Variants in WDR64 observed in about 807,000 individuals in gnomAD.
WDR64 encodes WD repeat domain 64, also known as WD repeat-containing protein 64.
In WDR64, 112 loss-of-function variants were observed where a neutral mutation model predicts 139.3. That is an observed-to-expected ratio of 0.80 (90% CI 0.69 to 0.94). The LOEUF is 0.94. Ranked by LOEUF, WDR64 falls within the 40% of genes least tolerant of loss-of-function variation. The pLI, the probability that WDR64 is intolerant of heterozygous loss-of-function variation, is 0.00. For missense variants in WDR64, 1,206 were observed against 1,293.1 expected, an observed-to-expected ratio of 0.93 and a Z score of 1.03; for synonymous variants, 444 against 437.7, an observed-to-expected ratio of 1.01 and a Z score of -0.18.
chr1:241,739,070 T>G (rs1485147596), intron 11 of WDR64, among the ~76,000 whole-genome samples: 1 of 152,194 alleles, frequency 6.6e-6, no homozygotes, highest in Non-Finnish European at 1.5e-5. Flanking sequence ...GTAGGAAAAG[T>G]GCTGACACCT....
intron 10 of WDR64, among the ~76,000 whole-genome samples, chr1:241,724,716 G>C (rs957966822): frequency 2.6e-5 from 4 of 152,164 alleles, no homozygotes; most frequent in African/African-American, 9.7e-5. Context: ...TAATTCCTAA[G>C]CATAGCACCT....
In WDR64 at chr1:241,735,855, CTG is replaced by C. The variant is rs59974714; in HGVS notation, c.1195-2474_1195-2473del. Among the ~76,000 whole-genome samples the C allele has an allele frequency of 6.5e-3, 465 of 71,600 alleles. 1 individual carries two copies. The highest frequency in any genetic ancestry group is 0.029 in the Middle Eastern group (3 of 102). The allele number at this position is 71,600 out of a possible 152,430, so 47.0% of individuals were successfully genotyped here. On this transcript the variant is annotated intron_variant, in intron 10 of 27. Transcript: ENST00000437684. ...TCTCTCTCTCTCTCTCTCTCTCTCTCTGTGTGTGTGTGTGTGTGTGTGTGTGT... is the reference window on the plus strand; with the variant it reads ...TCTCTCTCTCTCTCTCTCTCTCTCTCTGTGTGTGTGTGTGTGTGTGTGTGT...
At chr1:241,764,957 A>T (rs1464621741) in intron 15 of WDR64, among the ~76,000 whole-genome samples, 2 of 152,290 alleles carry the variant, frequency 1.3e-5, no homozygotes, top group Middle Eastern at 3.4e-3. Flanking sequence ...AGGCTGAAGT[A>T]GGTGGATTAC....
At chr1:241,798,553 A>T (rs926020986) in intron 27 of WDR64, among the ~76,000 whole-genome samples, 1 of 152,246 alleles carries the variant, frequency 6.6e-6, no homozygotes, top group African/African-American at 2.4e-5. Flanking sequence ...TCGTTTCATA[A>T]AAATACTTCC....
At chr1:241,694,791 ACAG>A (rs1474091554) in intron 8 of WDR64, among the ~76,000 whole-genome samples, 1 of 152,200 alleles carries the variant, frequency 6.6e-6, no homozygotes, top group Non-Finnish European at 1.5e-5. Flanking sequence ...CAGGGTGATT[ACAG>A]CAACTAATGT....
At chr1:241,780,163 T>C in intron 22 of WDR64, 101 bp downstream of exon 22, 10 of 1,004,052 alleles carry the variant, frequency 1.0e-5, no homozygotes, top group South Asian at 1.6e-5. Context: ...CAAGACTCTC[T>C]GTTGTCAAGG....
chr1:241,702,927 A>G (rs918528604), intron 8 of WDR64, among the ~76,000 whole-genome samples: 9 of 152,132 alleles, frequency 5.9e-5, no homozygotes, highest in African/African-American at 2.2e-4. Flanking sequence ...TTGTTATCTT[A>G]TTCTTTATGG....
intron 4 of WDR64, among the ~76,000 whole-genome samples, chr1:241,676,841 TC>T (rs1666577636): frequency 6.6e-6 from 1 of 150,690 alleles, no homozygotes; most frequent in Non-Finnish European, 1.5e-5. Flanking sequence ...CCTCATGGCC[TC>T]CCAAATTGCT....
At chr1:241,677,601 T>TAGG (rs1666604915) in intron 4 of WDR64, among the ~76,000 whole-genome samples, 1 of 152,234 alleles carries the variant, frequency 6.6e-6, no homozygotes, top group Non-Finnish European at 1.5e-5. Flanking sequence ...GCTGCTCATA[T>TAGG]ATACAGTAGC....
chr1:241,667,666 G>A (rs1666072436), intron 2 of WDR64, among the ~76,000 whole-genome samples: 1 of 152,110 alleles, frequency 6.6e-6, no homozygotes, highest in African/African-American at 2.4e-5. Flanking sequence ...TAGGAGCTAA[G>A]GGCAGTACAA....
intron 2 of WDR64, among the ~76,000 whole-genome samples, chr1:241,664,692 A>G (rs1665963725): frequency 6.6e-6 from 1 of 152,104 alleles, no homozygotes; most frequent in Non-Finnish European, 1.5e-5. Context: ...CATTTGTAAA[A>G]TGTCTTCTTT....
At chr1:241,727,626 G>T (rs1470498665) in intron 10 of WDR64, among the ~76,000 whole-genome samples, 1 of 152,170 alleles carries the variant, frequency 6.6e-6, no homozygotes, top group Non-Finnish European at 1.5e-5. Flanking sequence ...TAGGGACAAA[G>T]CATTGAACAA....
intron 23 of WDR64, among the ~76,000 whole-genome samples, chr1:241,785,760 C>G (rs1040446661): frequency 1.3e-5 from 2 of 152,168 alleles, no homozygotes; most frequent in African/African-American, 4.8e-5. Flanking sequence ...CGTTCTAAAT[C>G]TTGCTTGTCA....
intron 10 of WDR64, among the ~76,000 whole-genome samples, chr1:241,726,085 A>T (rs1266702013): frequency 1.1e-4 from 16 of 150,902 alleles, no homozygotes; most frequent in Admixed American, 1.1e-3. Context: ...TAATTTTTAA[A>T]TTTTTGGTAG....
chr1:241,688,536 TG>T (rs1346475188), intron 8 of WDR64, among the ~76,000 whole-genome samples: 1 of 152,186 alleles, frequency 6.6e-6, no homozygotes, highest in African/African-American at 2.4e-5. Flanking sequence ...GTAAAGAGCT[TG>T]GAAGTTGCCA....
chr1:241,732,597 A>C (rs1273174819), intron 10 of WDR64, among the ~76,000 whole-genome samples: 1 of 152,120 alleles, frequency 6.6e-6, no homozygotes, highest in Non-Finnish European at 1.5e-5. Context: ...AGGTGGGTGG[A>C]TAACTTGAAG....
chr1:241,676,496 C>A (rs934138725), intron 4 of WDR64: 11 of 152,048 alleles, frequency 7.2e-5, no homozygotes, highest in Admixed American at 2.6e-4. Context: ...ACCTTTATTA[C>A]CTCAAAAACA....
At chr1:241,655,739 C>T (rs1665569362) in intron 1 of WDR64, among the ~76,000 whole-genome samples, 1 of 148,000 alleles carries the variant, frequency 6.8e-6, no homozygotes, top group Non-Finnish European at 1.5e-5. Context: ...AACTCTTCCT[C>T]ATCTTTCAAG....
intron 4 of WDR64, among the ~76,000 whole-genome samples, chr1:241,675,049 TC>T (rs1666446040): frequency 1.3e-5 from 1 of 74,212 alleles, no homozygotes; most frequent in Admixed American, 1.3e-4. Context: ...CTTCTTTCCT[TC>T]CTTTTCTCCC....
Sources: allele counts gnomAD v4.1 joint callset (sites outside exome capture counted in the v4.1 genomes callset), GRCh38; gene constraint gnomAD v4.1.1; transcripts MANE v1.5; gene names NCBI Gene and HGNC (gene_info 2026-07-23, HGNC 2026-07-21).